Variants in SLC6A12 observed in about 807,000 individuals in gnomAD.
The protein encoded by SLC6A12 is sodium- and chloride-dependent betaine transporter.
A neutral mutation model predicts 73.3 loss-of-function variants in SLC6A12; 50 were observed. The observed-to-expected ratio is 0.68, with a 90% CI of 0.54 to 0.86. The LOEUF (loss-of-function observed/expected upper bound fraction) is 0.86. Among genes scored for constraint, SLC6A12 ranks in the 40% least tolerant of loss-of-function variants. The pLI is 0.00. For missense variants in SLC6A12, 648 were observed against 772.8 expected (o/e 0.84, Z 1.92); for synonymous variants, 304 against 309.2 (o/e 0.98, Z 0.18).
rs1939652839 is a variant in SLC6A12 at position 192,592 on chromosome 12, A to G, written c.1587T>C (p.Tyr529=). The change falls in exon 15 of 16, where the codon TAT becomes TAC. Residue 529 remains tyrosine, a synonymous_variant. Coordinates refer to ENST00000684302, the MANE Select transcript of SLC6A12 (RefSeq NM_001122848.3). ...TGGAGTATCCCCAGGGCGGGTACACATAGACGTTGTTGTACTTGAGGGGGG... is the reference window on the plus strand; with the variant it reads ...TGGAGTATCCCCAGGGCGGGTACACGTAGACGTTGTTGTACTTGAGGGGGG... ...KYTPLKYNNV[Y]VYPPWGYSIG... 2 of 1,614,168 alleles carry G rather than the reference A, an allele frequency of 1.2e-6. No individual in the cohort carries two copies. Among genetic ancestry groups the G allele is most frequent in the Non-Finnish European group, 1.7e-6 (2 of 1,180,020 alleles).
intron 9 of SLC6A12, 28 bp downstream of exon 9, chr12:197,872 A>ACCCCCC: frequency 7.3e-7 from 1 of 1,365,470 alleles, no homozygotes; most frequent in Non-Finnish European, 1.0e-6. Flanking sequence ...ACCCTCCTTC[A>ACCCCCC]CCCCACCCCG....
Position 195,268 on chromosome 12 carries a change from C to T in SLC6A12, c.1386G>A (p.Leu462=), listed in dbSNP as rs1026669059. The T allele has an allele frequency of 6.2e-6, 10 of 1,613,576 alleles. No homozygotes were observed. The highest frequency in any genetic ancestry group is 8.5e-6 in the Non-Finnish European group (10 of 1,179,604). Residue 462 remains leucine, a synonymous_variant, in exon 13 of 16, where the codon CTG becomes CTA. Transcript: ENST00000684302. ...AGACCACTTCAAACAATGACAGGAA[C>T]AGCAGGCATATGCCACTGGAAGCAT... ...DYYASSGICL[L]FLSLFEVVCI...
chr12:210,399 C>A, intron 2 of SLC6A12: 1 of 1,097,436 alleles, frequency 9.1e-7, no homozygotes. Context: ...TGCTGAGTGA[C>A]CTCAGCCTAG....
At position 192,491 on chromosome 12, in the gene SLC6A12, C is replaced by A; in HGVS notation, c.1688G>T (p.Gly563Val). Reference sequence around the variant, plus strand: ...TACACCACCTACCTTCCTGAAAGGACCCCGAGTCTTCAGGAGGGTGATGAC... The same window carrying A: ...TACACCACCTACCTTCCTGAAAGGAACCCGAGTCTTCAGGAGGGTGATGAC... ...FVVITLLKTR[G>V]PFRKRLRQLI... Residue 563 changes from glycine (G) to valine (V), a missense_variant, in exon 15 of 16, where the codon GGT becomes GTT. Transcript: ENST00000684302. The A allele has an allele frequency of 6.2e-7, 1 of 1,614,038 alleles. No individual in the cohort carries two copies. The highest frequency in any genetic ancestry group is 8.5e-7 in the Non-Finnish European group (1 of 1,179,970).
At chr12:210,757 G>A (rs1940871000) in intron 2 of SLC6A12, among the ~76,000 whole-genome samples, 1 of 152,158 alleles carries the variant, frequency 6.6e-6, no homozygotes, top group African/African-American at 2.4e-5. Context: ...TCACCTGGCT[G>A]GCAGTCACCT....
chr12:196,605 G>A (rs1482050979), intron 11 of SLC6A12, among the ~76,000 whole-genome samples, 165 bp downstream of exon 11: 2 of 152,208 alleles, frequency 1.3e-5, no homozygotes, highest in Non-Finnish European at 2.9e-5. Flanking sequence ...TCACCCCAGA[G>A]GGTCTCCAGG....
At chr12:188,327 C>T (rs975090090), downstream of SLC6A12, among the ~76,000 whole-genome samples, 6 of 152,154 alleles carry the variant, frequency 3.9e-5, no homozygotes, top group East Asian at 1.9e-4. Flanking sequence ...GGTGCTAAGC[C>T]CCTCACTGCC....
intron 4 of SLC6A12, 121 bp from the exon 5 acceptor site, chr12:203,001 G>A (rs1940362002): frequency 3.0e-6 from 2 of 676,064 alleles, no homozygotes; most frequent in South Asian, 2.8e-5. Context: ...GCACCATTGG[G>A]GTTTATCCAG....
chr12:191,035 C>G lies in SLC6A12; in HGVS notation c.*33G>C. 6 of 1,292,776 alleles carry G rather than the reference C, an allele frequency of 4.6e-6. No homozygotes were observed. Among genetic ancestry groups the G allele is most frequent in the Non-Finnish European group, 5.9e-6 (6 of 1,010,818 alleles). 80.1% of individuals were successfully genotyped at this position (1,292,776 alleles called of 1,614,324 possible). A position where few individuals can be genotyped will look rare whatever the true frequency, so the allele number is the denominator to read the frequency against. ...GGAGGGTGGCCCTGACCTAGGTTCC[C>G]GGCTTAGGAGCCGCCTGGCCTCTGG... is the stretch of plus-strand genomic sequence containing the variant. On this transcript the variant is annotated 3_prime_UTR_variant, in exon 16 of 16. Transcript: ENST00000684302.
chr12:196,344 A>C, intron 11 of SLC6A12, 83 bp from the exon 12 acceptor site: 3 of 1,485,182 alleles, frequency 2.0e-6, no homozygotes, highest in Non-Finnish European at 2.7e-6. Context: ...CCCCTGGCTC[A>C]TCCACACTGA....
intron 7 of SLC6A12, 24 bp downstream of exon 7, chr12:200,627 T>C (rs1940205311): frequency 1.2e-6 from 2 of 1,610,736 alleles, no homozygotes; most frequent in African/African-American, 2.7e-5. Flanking sequence ...CAAAGGGAGC[T>C]TCCCAGGAGG....
At chr12:188,170 C>A (rs1457460953), downstream of SLC6A12, among the ~76,000 whole-genome samples, 6 of 152,130 alleles carry the variant, frequency 3.9e-5, no homozygotes, top group African/African-American at 1.4e-4. Flanking sequence ...GAGCAGGGGG[C>A]GGCGCTGGTC....
chr12:184,632 C>T, the SLC6A12 span, among the ~76,000 whole-genome samples: 2 of 152,152 alleles, frequency 1.3e-5, no homozygotes, highest in East Asian at 3.8e-4. Flanking sequence ...CGCCTGTAGT[C>T]CCAGCTACTC....
At chr12:202,650 C>T (rs216249) in intron 5 of SLC6A12, 90 bp downstream of exon 5, 721,301 of 1,382,548 alleles carry the variant, frequency 0.52, 194,082 homozygotes, top group African/African-American at 0.75. Flanking sequence ...GGTTCTGCTA[C>T]ACTTATACTC....
intron 4 of SLC6A12, chr12:203,462 G>T (rs970252834): frequency 6.6e-6 from 1 of 152,146 alleles, no homozygotes; most frequent in African/African-American, 2.4e-5. Flanking sequence ...GTTCCACCGC[G>T]GTCTCCACCG....
At chr12:205,952 A>C (rs887654254) in intron 3 of SLC6A12, among the ~76,000 whole-genome samples, 1 of 152,246 alleles carries the variant, frequency 6.6e-6, no homozygotes. Flanking sequence ...AAACACTGTC[A>C]TAATGAAGAC....
chr12:189,806 T>C (rs1939517061), downstream of SLC6A12, among the ~76,000 whole-genome samples: 1 of 149,600 alleles, frequency 6.7e-6, no homozygotes, highest in Non-Finnish European at 1.5e-5. Context: ...TGGAGCCATG[T>C]GTGGCAGCTA....
rs1427156005 is a variant in SLC6A12, at chr12:204,684, G to A, written c.229C>T (p.Pro77Ser). 4 of 1,613,928 alleles carry A rather than the reference G, an allele frequency of 2.5e-6. No individual in the cohort carries two copies. Among genetic ancestry groups the A allele is most frequent in the Non-Finnish European group, 2.5e-6 (3 of 1,180,020 alleles). ...YKNGGGAFFI[P>S]YFIFFFVCGI... ...CAGACAAAGAAGAAGATGAAGTAGG[G>A]GATGAAGAAGGCTCCTGCAGAAGAG... is the stretch of plus-strand genomic sequence containing the variant. Residue 77 changes from proline to serine, a missense_variant, in exon 4 of 16, where the codon CCC becomes TCC. By Grantham distance (74) the Pro-to-Ser change is moderately conservative (BLOSUM62 -1). Coordinates refer to ENST00000684302, the MANE Select transcript of SLC6A12 (RefSeq NM_001122848.3).
Position 198,892 on chromosome 12 carries a change from C to A in SLC6A12, c.751G>T (p.Val251Phe). 1.2e-6 allele frequency: 2 copies of A among 1,614,178 alleles called. No homozygotes were observed. The highest frequency in any genetic ancestry group is 1.7e-6 in the Non-Finnish European group (2 of 1,180,024). ...FTATFPYLMLVILLIRGVTLP... is the reference protein window; with the variant it reads ...FTATFPYLMLFILLIRGVTLP... ...GTGACACCTCTGATCAGCAAAATGA[C>A]AAGCATCAGGTACGGAAACGTGGCT... Residue 251 changes from valine to phenylalanine, a missense_variant, in exon 8 of 16, where the codon GTC (valine) becomes TTC (phenylalanine). Coordinates refer to ENST00000684302, the MANE Select transcript of SLC6A12 (RefSeq NM_001122848.3). The surrounding 1 kb of genome is among the most constrained non-coding windows in gnomAD (Gnocchi z 4.0).
Sources: gnomAD v4.1 joint callset for allele counts (sites outside exome capture counted in the v4.1 genomes callset) on GRCh38, gnomAD v4.1.1 for gene constraint, Gnocchi (gnomAD v3.1) non-coding constraint, MANE v1.5 for transcripts, NCBI Gene and HGNC (gene_info 2026-07-23, HGNC 2026-07-21) for gene names.